Variants in ALK observed in about 807,000 individuals in gnomAD.
The protein encoded by ALK is ALK tyrosine kinase receptor.
A neutral mutation model predicts 163.1 loss-of-function variants in ALK; 74 were observed. The ratio of observed to expected loss-of-function variants is 0.45; its 90% CI spans 0.38 to 0.55. The LOEUF (loss-of-function observed/expected upper bound fraction) is 0.55, where lower values mean the gene tolerates loss of function less well. ALK is among the 20% of genes least tolerant of loss of function. ALK has a pLI of 0.00. For synonymous variants in ALK, 960 were observed against 843.2 expected, an observed-to-expected ratio of 1.14 and a Z score of -2.40; for missense variants, 2,063 against 2,105.3, an observed-to-expected ratio of 0.98 and a Z score of 0.39.
intron 4 of ALK, among the ~76,000 whole-genome samples, chr2:29,387,223 G>A (rs7577030): frequency 2.6e-5 from 4 of 152,190 alleles, no homozygotes; most frequent in Non-Finnish European, 4.4e-5. Context: ...TCCGGTTCCA[G>A]TTCTGGCTCT....
chr2:29,834,441 AG>A (rs1300206749), intron 1 of ALK, among the ~76,000 whole-genome samples: 1 of 152,202 alleles, frequency 6.6e-6, no homozygotes, highest in African/African-American at 2.4e-5. Flanking sequence ...AGAAAATTCT[AG>A]GGGAAGTACC....
chr2:29,423,362 C>A (rs976050324), intron 4 of ALK, among the ~76,000 whole-genome samples: 1 of 152,176 alleles, frequency 6.6e-6, no homozygotes, highest in African/African-American at 2.4e-5. Flanking sequence ...CGTTTTCCAC[C>A]ACATTGCATT....
intron 9 of ALK, among the ~76,000 whole-genome samples, chr2:29,277,021 G>C (rs1665565404): frequency 6.6e-6 from 1 of 152,216 alleles, no homozygotes; most frequent in South Asian, 2.1e-4. Flanking sequence ...AAAAAAAGGA[G>C]AGAGAGGAAG....
chr2:29,421,903 A>C (rs2148067577), intron 4 of ALK, among the ~76,000 whole-genome samples: 1 of 151,860 alleles, frequency 6.6e-6, no homozygotes, highest in East Asian at 1.9e-4. Flanking sequence ...ATCTTGAGGA[A>C]GAACTTTTGT....
chr2:29,292,969 CT>C (rs1651878782), intron 9 of ALK, among the ~76,000 whole-genome samples: 1 of 152,182 alleles, frequency 6.6e-6, no homozygotes, highest in African/African-American at 2.4e-5. Context: ...CTAGTTCTCT[CT>C]ATCACAAGGA....
intron 1 of ALK, among the ~76,000 whole-genome samples, chr2:29,862,519 T>C (rs892268292): frequency 2.3e-4 from 35 of 151,926 alleles, no homozygotes; most frequent in Admixed American, 1.1e-3. Context: ...TCTGAAAAAG[T>C]CCCTATTATG....
intron 1 of ALK, among the ~76,000 whole-genome samples, chr2:29,757,522 A>G (rs1309714835): frequency 2.0e-5 from 3 of 152,166 alleles, no homozygotes; most frequent in Non-Finnish European, 2.9e-5. Flanking sequence ...TTTGAATTTC[A>G]GATAAAAAGC....
At chr2:29,407,590 G>A (rs1474942904) in intron 4 of ALK, among the ~76,000 whole-genome samples, 4 of 152,200 alleles carry the variant, frequency 2.6e-5, no homozygotes, top group Non-Finnish European at 4.4e-5. Flanking sequence ...CCTAACCCAC[G>A]AGGAACCAAG....
chr2:29,369,308 T>TTGTGTGTGTGTG (rs3054016), intron 5 of ALK, among the ~76,000 whole-genome samples: 66 of 145,372 alleles, frequency 4.5e-4, no homozygotes, highest in African/African-American at 1.6e-3. Flanking sequence ...ACGTGCATAT[T>TTGTGTGTGTGTG]TGTGTGTGTG....
chr2:29,458,450 G>A (rs1276041176), intron 4 of ALK, among the ~76,000 whole-genome samples: 1 of 152,126 alleles, frequency 6.6e-6, no homozygotes, highest in Non-Finnish European at 1.5e-5. Context: ...CTGGGCTAAG[G>A]AGATGTCGCT....
intron 25 of ALK, among the ~76,000 whole-genome samples, chr2:29,208,263 C>T (rs1415579432): frequency 6.6e-6 from 1 of 151,994 alleles, no homozygotes; most frequent in African/African-American, 2.4e-5. Context: ...AGAAAAGACG[C>T]TCTCCCAGAA....
intron 1 of ALK, among the ~76,000 whole-genome samples, chr2:29,765,564 G>A (rs780386659): frequency 2.0e-5 from 3 of 151,930 alleles, no homozygotes; most frequent in South Asian, 2.1e-4. Flanking sequence ...CTTTGGTCTC[G>A]TCCTCCCAAA....
chr2:29,591,988 T>C (rs1675072014), intron 3 of ALK, among the ~76,000 whole-genome samples: 1 of 151,760 alleles, frequency 6.6e-6, no homozygotes. Flanking sequence ...TCACTCTCTA[T>C]CTCAGGTACA....
chr2:29,386,210 G>A (rs4296388), intron 4 of ALK, among the ~76,000 whole-genome samples: 148,318 of 152,340 alleles, frequency 0.97, 72,311 homozygotes, highest in East Asian at 1. Flanking sequence ...GTTAATTCAG[G>A]TCACTGAAGC....
chr2:29,823,150 A>C (rs1665095939), intron 1 of ALK, among the ~76,000 whole-genome samples: 1 of 152,130 alleles, frequency 6.6e-6, no homozygotes, highest in African/African-American at 2.4e-5. Flanking sequence ...CCTTGCACAA[A>C]TTCTTTTTTT....
intron 1 of ALK, among the ~76,000 whole-genome samples, chr2:29,853,141 C>T (rs1027908287): frequency 2.6e-5 from 4 of 151,440 alleles, no homozygotes; most frequent in East Asian, 3.9e-4. Flanking sequence ...ATATGGGAAT[C>T]GAAAGCAGCC....
At chr2:29,813,269 A>T (rs1222607855) in intron 1 of ALK, among the ~76,000 whole-genome samples, 1 of 152,174 alleles carries the variant, frequency 6.6e-6, no homozygotes, top group Admixed American at 6.5e-5. Context: ...GAAGATTCAA[A>T]AATGTCTTTT....
At chr2:29,671,404 T>C (rs1355358026) in intron 3 of ALK, among the ~76,000 whole-genome samples, 5 of 152,106 alleles carry the variant, frequency 3.3e-5, no homozygotes, top group African/African-American at 9.7e-5. Context: ...TTGGCTGAGT[T>C]ACAGAGTAGA....
chr2:29,614,430 C>A (rs1281102542), intron 3 of ALK, among the ~76,000 whole-genome samples: 1 of 152,240 alleles, frequency 6.6e-6, no homozygotes, highest in Non-Finnish European at 1.5e-5. Flanking sequence ...TTTCACTCTA[C>A]TTTCCAGCCC....
Sources: gnomAD v4.1 joint callset for allele counts (sites outside exome capture counted in the v4.1 genomes callset) on GRCh38, gnomAD v4.1.1 for gene constraint, MANE v1.5 for transcripts, NCBI Gene and HGNC (gene_info 2026-07-23, HGNC 2026-07-21) for gene names.